The following PRR5L variants were observed in gnomAD, a reference collection of about 807,000 sequenced individuals.
The protein encoded by PRR5L is proline rich 5 like, also known as proline-rich protein 5-like.
PRR5L carries 21 observed loss-of-function variants against 36.4 expected under a neutral mutation model. The ratio of observed to expected loss-of-function variants is 0.58; its 90% CI spans 0.41 to 0.83. The LOEUF (loss-of-function observed/expected upper bound fraction) is 0.83. Ranked by LOEUF, PRR5L falls within the 40% of genes least tolerant of loss-of-function variation. The pLI is 0.00. For missense variants in PRR5L, 381 were observed against 473.3 expected (o/e 0.80, Z 1.81); for synonymous variants, 188 against 197.0 (o/e 0.95, Z 0.38).
At chr11:36,298,308 A>AT (rs776911464) in intron 1 of PRR5L, among the ~76,000 whole-genome samples, 53 of 152,310 alleles carry the variant, frequency 3.5e-4, no homozygotes, top group South Asian at 8.3e-4. Flanking sequence ...CATTACATTT[A>AT]TTGAGAACCT....
chr11:36,363,764 G>A (rs1214656332), intron 1 of PRR5L, among the ~76,000 whole-genome samples: 2 of 152,170 alleles, frequency 1.3e-5, no homozygotes, highest in African/African-American at 2.4e-5. Context: ...AGAAACAGCT[G>A]GGCCAGAGGA....
chr11:36,309,726 C>G (rs1856478394), intron 1 of PRR5L, among the ~76,000 whole-genome samples: 1 of 31,364 alleles, frequency 3.2e-5, no homozygotes, highest in Non-Finnish European at 6.7e-5. Flanking sequence ...CCAGATCCCT[C>G]TCACTGGCTG....
chr11:36,316,735 T>G (rs905809560), intron 1 of PRR5L, among the ~76,000 whole-genome samples: 5 of 152,166 alleles, frequency 3.3e-5, no homozygotes, highest in African/African-American at 4.8e-5. Context: ...AGGGTCAGAC[T>G]CTTGCATCCA....
intron 8 of PRR5L, among the ~76,000 whole-genome samples, chr11:36,451,783 T>C (rs1346993159): frequency 6.6e-6 from 1 of 152,198 alleles, no homozygotes; most frequent in Non-Finnish European, 1.5e-5. Flanking sequence ...CCAGATGTTA[T>C]CGAGTTGCTG....
intron 8 of PRR5L, among the ~76,000 whole-genome samples, chr11:36,459,727 T>A (rs1191769873): frequency 1.3e-5 from 2 of 152,230 alleles, no homozygotes; most frequent in African/African-American, 4.8e-5. Context: ...TTAAGTGCTA[T>A]CCTGTGTGTT....
At chr11:36,350,363 G>A (rs924191849) in intron 1 of PRR5L, among the ~76,000 whole-genome samples, 9 of 151,662 alleles carry the variant, frequency 5.9e-5, no homozygotes, top group Non-Finnish European at 1.3e-4. Flanking sequence ...CGGGGAGGAG[G>A]AAGTGGTGGA....
intron 1 of PRR5L, among the ~76,000 whole-genome samples, chr11:36,319,654 T>TC (rs1324152629): frequency 1.3e-5 from 2 of 149,766 alleles, no homozygotes; most frequent in Non-Finnish European, 3.0e-5. Context: ...ACTTTGTAGA[T>TC]CCCTCATCTA....
intron 3 of PRR5L, among the ~76,000 whole-genome samples, chr11:36,403,687 C>T (rs1857850063): frequency 6.6e-6 from 1 of 152,164 alleles, no homozygotes; most frequent in Non-Finnish European, 1.5e-5. Context: ...AACCATTAGG[C>T]ACCATAATAG....
intron 1 of PRR5L, among the ~76,000 whole-genome samples, chr11:36,307,633 C>T (rs1429948467): frequency 6.6e-6 from 1 of 152,136 alleles, no homozygotes; most frequent in African/African-American, 2.4e-5. Context: ...CAGTTTTTCC[C>T]CTTTCCTTTC....
chr11:36,430,896 T>G (rs1444025262), intron 4 of PRR5L, among the ~76,000 whole-genome samples: 2 of 152,206 alleles, frequency 1.3e-5, no homozygotes, highest in Admixed American at 1.3e-4. Context: ...CAGTAGGATC[T>G]AGGGTTTTAT....
intron 4 of PRR5L, among the ~76,000 whole-genome samples, chr11:36,427,659 C>T (rs1038912711): frequency 7.9e-5 from 12 of 152,190 alleles, no homozygotes; most frequent in African/African-American, 2.9e-4. Flanking sequence ...TTTGAGCAGG[C>T]TTAAGCCCCA....
rs143986475 is a variant in PRR5L at position 36,391,513 on chromosome 11, C to G, written c.-125-9484C>G. Among the ~76,000 whole-genome samples, 487 of 152,320 alleles carry G rather than the reference C, an allele frequency of 3.2e-3. 2 individuals are homozygous for G. The highest frequency in any genetic ancestry group is 0.011 in the African/African-American group (458 of 41,566). ...TAACTGCCACCGAATTTCCCGGACCCAGGGCCTGGGCTTTCCAGATAACTG... is the reference window on the plus strand; with the variant it reads ...TAACTGCCACCGAATTTCCCGGACCGAGGGCCTGGGCTTTCCAGATAACTG... On this transcript the variant is annotated intron_variant, in intron 1 of 8. Transcript: ENST00000530639.
At chr11:36,376,694 A>AC in intron 1 of PRR5L, 1 of 988,358 alleles carries the variant, frequency 1.0e-6, no homozygotes, top group Non-Finnish European at 1.2e-6. Flanking sequence ...CACGCCGGGG[A>AC]CCCCAAGGAG....
intron 4 of PRR5L, among the ~76,000 whole-genome samples, chr11:36,431,322 C>T (rs1858488070): frequency 1.3e-5 from 2 of 152,218 alleles, no homozygotes; most frequent in Admixed American, 1.3e-4. Flanking sequence ...TTGTTAGTTG[C>T]AGTTGCAAGA....
chr11:36,435,843 G>C (rs1476630942), intron 5 of PRR5L, among the ~76,000 whole-genome samples: 1 of 152,140 alleles, frequency 6.6e-6, no homozygotes, highest in Non-Finnish European at 1.5e-5. Flanking sequence ...CTATACACTT[G>C]GCACTTTCCA....
Position 36,339,707 on chromosome 11 carries a change from G to T in PRR5L, c.-126+43269G>T, listed in dbSNP as rs1236527004. Among the ~76,000 whole-genome samples the T allele has an allele frequency of 2.0e-5, 3 of 152,222 alleles. No homozygotes were observed. The East Asian group carries it at 5.8e-4, about 29-fold the overall frequency. ...TTAATCCAGGCAGCTTGATTCCTGA[G>T]CCTAGGCTCTTAGTCACTATGGTAA... On this transcript the variant is annotated intron_variant, in intron 1 of 8. Transcript: ENST00000530639.
chr11:36,386,200 T>C lies in PRR5L; in HGVS notation c.-125-14797T>C, dbSNP rs189351882. 5.9e-5 allele frequency among the ~76,000 whole-genome samples: 9 copies of C among 152,226 alleles called. No homozygotes were observed. In the East Asian group the frequency reaches 1.7e-3, roughly 29 times the overall value. Reference sequence around the variant, plus strand: ...TACTCAGGAGGCTGAGGTGGGAGGATTGCTTGAGCCAGGAGGTCAAGGCTG... The same window carrying C: ...TACTCAGGAGGCTGAGGTGGGAGGACTGCTTGAGCCAGGAGGTCAAGGCTG... On this transcript the variant is annotated intron_variant, in intron 1 of 8. Transcript: ENST00000530639.
intron 1 of PRR5L, among the ~76,000 whole-genome samples, chr11:36,382,818 G>T (rs967445748): frequency 6.6e-6 from 1 of 152,174 alleles, no homozygotes; most frequent in Non-Finnish European, 1.5e-5. Flanking sequence ...GAGGACATTG[G>T]TCTAGACCAG....
At chr11:36,320,682 T>C (rs1856606375) in intron 1 of PRR5L, among the ~76,000 whole-genome samples, 1 of 152,158 alleles carries the variant, frequency 6.6e-6, no homozygotes, top group Non-Finnish European at 1.5e-5. Context: ...AAAGGCAGAG[T>C]GTGAACTGGT....
Sources: gnomAD v4.1 joint callset for allele counts (sites outside exome capture counted in the v4.1 genomes callset) on GRCh38, gnomAD v4.1.1 for gene constraint, MANE v1.5 for transcripts, NCBI Gene and HGNC (gene_info 2026-07-23, HGNC 2026-07-21) for gene names.